Variants in GRB10 observed in about 807,000 individuals in gnomAD.
The protein encoded by GRB10 is growth factor receptor bound protein 10.
A neutral mutation model predicts 80.9 loss-of-function variants in GRB10; 20 were observed. The ratio of observed to expected loss-of-function variants is 0.25; its 90% CI spans 0.17 to 0.36. GRB10 has a LOEUF of 0.36. GRB10 is among the 10% of genes least tolerant of loss of function. GRB10 has a pLI of 1.00. For synonymous variants in GRB10, 291 were observed against 291.5 expected, an observed-to-expected ratio of 1.00 and a Z score of 0.02; for missense variants, 548 against 747.7, an observed-to-expected ratio of 0.73 and a Z score of 3.12.
intron 5 of GRB10, among the ~76,000 whole-genome samples, chr7:50,686,527 G>A (rs2062122196): frequency 6.6e-6 from 1 of 152,168 alleles, no homozygotes; most frequent in Admixed American, 6.5e-5. Flanking sequence ...GGATGCTCCA[G>A]GTTTTGATGA....
intron 7 of GRB10, among the ~76,000 whole-genome samples, chr7:50,635,758 T>A (rs1460970457): frequency 3.3e-5 from 5 of 151,842 alleles, no homozygotes; most frequent in Admixed American, 6.6e-5. Context: ...AACATCTCTA[T>A]CCACACAAAC....
intron 2 of GRB10, among the ~76,000 whole-genome samples, chr7:50,776,249 T>C (rs917422581): frequency 6.6e-6 from 1 of 152,230 alleles, no homozygotes; most frequent in Admixed American, 6.5e-5. Flanking sequence ...GGTCTCATTC[T>C]GTCACGCAGG....
At chr7:50,623,935 C>A (rs1436252712) in intron 8 of GRB10, among the ~76,000 whole-genome samples, 2 of 152,084 alleles carry the variant, frequency 1.3e-5, no homozygotes, top group Non-Finnish European at 2.9e-5. Flanking sequence ...CAAAACAGTA[C>A]TCAAAACATT....
At chr7:50,756,692 G>A (rs1370335824) in intron 2 of GRB10, among the ~76,000 whole-genome samples, 1 of 152,210 alleles carries the variant, frequency 6.6e-6, no homozygotes, top group Non-Finnish European at 1.5e-5. Flanking sequence ...GCATGGAGAA[G>A]AGGGTGGAGA....
At chr7:50,717,207 C>T (rs1008869201) in intron 4 of GRB10, among the ~76,000 whole-genome samples, 4 of 151,704 alleles carry the variant, frequency 2.6e-5, no homozygotes, top group African/African-American at 9.7e-5. Flanking sequence ...CTAACAACTG[C>T]AAGGGGGTAT....
intron 7 of GRB10, among the ~76,000 whole-genome samples, chr7:50,663,192 G>C (rs959426654): frequency 6.6e-6 from 1 of 152,152 alleles, no homozygotes; most frequent in Non-Finnish European, 1.5e-5. Flanking sequence ...ATGCTGCTGG[G>C]ACATTCCAGT....
At chr7:50,634,789 G>T (rs2054637460) in intron 7 of GRB10, among the ~76,000 whole-genome samples, 1 of 152,176 alleles carries the variant, frequency 6.6e-6, no homozygotes, top group Non-Finnish European at 1.5e-5. Flanking sequence ...TTTAGAAAAA[G>T]AGACAATGAA....
At chr7:50,751,577 A>G (rs1266418325) in intron 3 of GRB10, among the ~76,000 whole-genome samples, 1 of 152,238 alleles carries the variant, frequency 6.6e-6, no homozygotes, top group Non-Finnish European at 1.5e-5. Flanking sequence ...GGAAGGAAGA[A>G]CTGCAAAGGG....
At chr7:50,625,302 G>T (rs565168218) in intron 8 of GRB10, among the ~76,000 whole-genome samples, 5 of 152,216 alleles carry the variant, frequency 3.3e-5, no homozygotes, top group African/African-American at 1.2e-4. Context: ...TCTTTCAAAT[G>T]AAAAGAATAT....
At chr7:50,740,140 G>A (rs545555907) in intron 3 of GRB10, among the ~76,000 whole-genome samples, 1 of 152,264 alleles carries the variant, frequency 6.6e-6, no homozygotes, top group South Asian at 2.1e-4. Context: ...TACATTGAAC[G>A]TGTGTTTCAG....
intron 13 of GRB10, among the ~76,000 whole-genome samples, chr7:50,607,699 C>T (rs536385892): frequency 2.0e-5 from 3 of 152,204 alleles, no homozygotes; most frequent in Non-Finnish European, 4.4e-5. Flanking sequence ...CGACTTTGAA[C>T]GTACACGACC....
chr7:50,789,231 C>G (rs1239265439), intron 1 of GRB10, among the ~76,000 whole-genome samples: 1 of 152,182 alleles, frequency 6.6e-6, no homozygotes, highest in Non-Finnish European at 1.5e-5. Flanking sequence ...GACAAAAATA[C>G]AAAAGCCAAG....
At chr7:50,672,228 C>T (rs570072540) in intron 6 of GRB10, among the ~76,000 whole-genome samples, 5 of 152,330 alleles carry the variant, frequency 3.3e-5, no homozygotes, top group African/African-American at 1.2e-4. Context: ...GTGGACCATG[C>T]TCCGTGACCT....
At chr7:50,593,175 A>T in intron 18 of GRB10, 77 bp from the exon 19 acceptor site, 1 of 1,509,406 alleles carries the variant, frequency 6.6e-7, no homozygotes, top group Non-Finnish European at 9.2e-7. Context: ...GGCCAGCAGC[A>T]GCTACATCTG....
intron 5 of GRB10, among the ~76,000 whole-genome samples, chr7:50,700,069 G>T (rs2063954970): frequency 6.6e-6 from 1 of 150,528 alleles, no homozygotes; most frequent in African/African-American, 2.5e-5. Context: ...AACCCAGGTG[G>T]CAGAGATTGC....
At chr7:50,668,186 C>A (rs748593465) in intron 7 of GRB10, among the ~76,000 whole-genome samples, 12 of 152,080 alleles carry the variant, frequency 7.9e-5, no homozygotes, top group Admixed American at 5.2e-4. Flanking sequence ...AGAACGGGAC[C>A]CACACTTGGG....
Position 50,593,085 on chromosome 7 carries a change from C to T in GRB10, c.1652G>A (p.Gly551Glu). Reference protein sequence around the residue: ...NFQILPCEDDGQTFFSLDDGN... With the variant: ...NFQILPCEDDEQTFFSLDDGN... ...GTCATCTAGGCTGAAGAACGTCTGCCCGTCGTCCTCGCACTGGAGAGACAC... is the reference window on the plus strand; with the variant it reads ...GTCATCTAGGCTGAAGAACGTCTGCTCGTCGTCCTCGCACTGGAGAGACAC... Residue 551 changes from glycine (G) to glutamate (E), a missense_variant, in exon 19 of 19, where the codon GGG (glycine) becomes GAG (glutamate). Physicochemically the swap from Gly to Glu is moderately conservative, Grantham distance 98. Around this residue, in one of 4 missense-constraint regions of GRB10, gnomAD observed 32 missense variants for 66.0 expected, o/e 0.48. Transcript: ENST00000401949. 1 of 1,614,168 alleles carries T rather than the reference C, an allele frequency of 6.2e-7. No homozygotes were observed.
chr7:50,651,531 A>G (rs2058008389), intron 7 of GRB10, among the ~76,000 whole-genome samples: 2 of 152,218 alleles, frequency 1.3e-5, no homozygotes, highest in South Asian at 4.1e-4. Context: ...TTGATGAATC[A>G]CATCTGCAAC....
At chr7:50,646,044 C>A (rs781265276) in intron 7 of GRB10, among the ~76,000 whole-genome samples, 3 of 152,186 alleles carry the variant, frequency 2.0e-5, no homozygotes, top group Admixed American at 6.5e-5. Context: ...CTGCTGGAAA[C>A]CAACCTATCC....
Sources: gnomAD v4.1 joint callset for allele counts (sites outside exome capture counted in the v4.1 genomes callset) on GRCh38, gnomAD v4.1.1 for gene constraint, gnomAD v4.1.1 regional missense constraint, MANE v1.5 for transcripts, NCBI Gene and HGNC (gene_info 2026-07-23, HGNC 2026-07-21) for gene names.